Variants in GLI3 observed in about 807,000 individuals in gnomAD.
GLI3 encodes GLI family zinc finger 3, also known as transcription activator GLI3.
GLI3 carries 20 observed loss-of-function variants against 100.8 expected under a neutral mutation model. The ratio of observed to expected loss-of-function variants is 0.20; its 90% CI spans 0.14 to 0.29. The LOEUF is 0.29. GLI3 is among the 10% of genes least tolerant of loss of function. The pLI, the probability that GLI3 is intolerant of heterozygous loss-of-function variation, is 1.00. For synonymous variants in GLI3, 938 were observed against 860.5 expected (o/e 1.09, Z -1.58); for missense variants, 2,040 against 2,128.5 (o/e 0.96, Z 0.82).
intron 1 of GLI3, among the ~76,000 whole-genome samples, chr7:42,255,682 T>C (rs144827413): frequency 0.013 from 1,976 of 152,338 alleles, 24 homozygotes; most frequent in Non-Finnish European, 0.016. Context: ...ATTGTATAGA[T>C]GCCCTACATT....
At chr7:42,201,509 C>G (rs755785686) in intron 2 of GLI3, among the ~76,000 whole-genome samples, 8 of 152,128 alleles carry the variant, frequency 5.3e-5, no homozygotes, top group Non-Finnish European at 7.4e-5. Flanking sequence ...CACACTAGCG[C>G]AAAGAAACCA....
intron 13 of GLI3, among the ~76,000 whole-genome samples, chr7:41,970,054 G>A (rs1051093294): frequency 2.0e-5 from 3 of 151,906 alleles, no homozygotes; most frequent in African/African-American, 7.3e-5. Flanking sequence ...ACTACCAAAA[G>A]TATCACAAAA....
At chr7:42,109,382 T>C (rs1785649914) in intron 3 of GLI3, among the ~76,000 whole-genome samples, 1 of 152,276 alleles carries the variant, frequency 6.6e-6, no homozygotes, top group East Asian at 1.9e-4. Context: ...CCTCAGGAAA[T>C]TTAAGTCCCA....
At chr7:42,058,653 G>T (rs999985960) in intron 4 of GLI3, among the ~76,000 whole-genome samples, 26 of 152,136 alleles carry the variant, frequency 1.7e-4, no homozygotes, top group African/African-American at 6.3e-4. Context: ...ACTTTGGAGG[G>T]GGCAGGGGCT....
chr7:42,075,906 T>C (rs1248972352), intron 4 of GLI3, among the ~76,000 whole-genome samples: 2 of 152,246 alleles, frequency 1.3e-5, no homozygotes, highest in African/African-American at 2.4e-5. Context: ...GCCACGGAGA[T>C]GCAATCTACC....
At chr7:42,106,792 C>A (rs546432798) in intron 3 of GLI3, among the ~76,000 whole-genome samples, 1 of 152,202 alleles carries the variant, frequency 6.6e-6, no homozygotes, top group South Asian at 2.1e-4. Context: ...AGAGAATGCT[C>A]TGGGAATTGT....
At chr7:42,180,445 A>G (rs1787570121) in intron 2 of GLI3, among the ~76,000 whole-genome samples, 2 of 152,230 alleles carry the variant, frequency 1.3e-5, no homozygotes, top group Non-Finnish European at 2.9e-5. Flanking sequence ...GCAGCTGGTG[A>G]GATGAACATG....
rs533261879 is a variant in GLI3 at position 42,142,257 on chromosome 7, A to G, written c.367+5969T>C. Among the ~76,000 whole-genome samples the G allele has an allele frequency of 1.7e-4, 26 of 152,314 alleles. No individual in the cohort carries two copies. In the South Asian group the frequency reaches 5.4e-3, roughly 32 times the overall value. On this transcript the variant is annotated intron_variant, in intron 3 of 14. Coordinates refer to ENST00000395925, the MANE Select transcript of GLI3 (RefSeq NM_000168.6). ...AGTAACTGGTCCAGGAGAAACAACT[A>G]TACAAGCAGGGCAACAAGGGCAGGG...
chr7:42,230,214 A>C (rs898461976), intron 1 of GLI3, among the ~76,000 whole-genome samples: 4 of 151,826 alleles, frequency 2.6e-5, no homozygotes, highest in African/African-American at 9.7e-5. Context: ...ATTTTTCCAT[A>C]ATCAGGAAAG....
chr7:42,015,060 G>T (rs1168156673), intron 10 of GLI3, among the ~76,000 whole-genome samples: 1 of 152,094 alleles, frequency 6.6e-6, no homozygotes, highest in Non-Finnish European at 1.5e-5. Context: ...TCCATTATAG[G>T]ATCTCATTCT....
chr7:42,141,635 G>A lies in GLI3; in HGVS notation c.367+6591C>T, dbSNP rs10281751. Among the ~76,000 whole-genome samples the A allele has an allele frequency of 9.3e-3, 1,418 of 152,204 alleles. 13 individuals carry two copies. Among genetic ancestry groups the A allele is most frequent in the Non-Finnish European group, 0.014 (930 of 68,002 alleles). On this transcript the variant is annotated intron_variant, in intron 3 of 14. Coordinates refer to ENST00000395925, the MANE Select transcript of GLI3 (RefSeq NM_000168.6). ...TGCGGTGAGCCAAGATCGCACCACTGCACTCCAGCCTGGGTGACAAAGCAA... is the reference window on the plus strand; with the variant it reads ...TGCGGTGAGCCAAGATCGCACCACTACACTCCAGCCTGGGTGACAAAGCAA...
chr7:42,057,513 A>G (rs1360814100), intron 4 of GLI3, among the ~76,000 whole-genome samples: 1 of 152,258 alleles, frequency 6.6e-6, no homozygotes, highest in Non-Finnish European at 1.5e-5. Flanking sequence ...TATGTGCCAC[A>G]TGTACTCAAA....
rs1165813966 is a variant in GLI3, at chr7:41,965,892, G to C, written c.3181C>G (p.His1061Asp). Residue 1061 changes from histidine (H) to aspartate (D), a missense_variant, in exon 15 of 15, where the codon CAC becomes GAC. This residue lies in a region of GLI3 where 1,041 missense variants were observed against 924.0 expected (regional missense o/e 1.13). Transcript: ENST00000395925. ...ATGCTGGGAGGACAGGGGGACGAGT[G>C]GAAGTTTCGGGACTGGCCGCCCTCG... ...RPEGGQSRNF[H>D]SSPCPPSITE... 1 of 1,613,566 alleles carries C rather than the reference G, an allele frequency of 6.2e-7. No individual in the cohort carries two copies. Among genetic ancestry groups the C allele is most frequent in the Non-Finnish European group, 8.5e-7 (1 of 1,179,930 alleles).
At chr7:42,016,342 T>C (rs1023189670) in intron 10 of GLI3, among the ~76,000 whole-genome samples, 3 of 152,172 alleles carry the variant, frequency 2.0e-5, no homozygotes, top group Non-Finnish European at 4.4e-5. Flanking sequence ...TGGGGGCCTA[T>C]CGACATCTTT....
intron 1 of GLI3, among the ~76,000 whole-genome samples, chr7:42,229,604 C>T (rs921810124): frequency 2.6e-5 from 4 of 152,198 alleles, no homozygotes; most frequent in Non-Finnish European, 4.4e-5. Context: ...CCCTGTAGCA[C>T]TGAAGAGTGA....
intron 3 of GLI3, among the ~76,000 whole-genome samples, chr7:42,109,624 G>C (rs1018196631): frequency 6.6e-6 from 1 of 152,226 alleles, no homozygotes; most frequent in Non-Finnish European, 1.5e-5. Context: ...ACACGGCAGA[G>C]CAGAAGTGGA....
rs886320788 is a variant in GLI3, at chr7:42,023,491, C to G, written c.1474G>C (p.Asp492His). The change falls in exon 10 of 15, where the codon GAC (aspartate) becomes CAC (histidine). Residue 492 changes from aspartate to histidine, a missense_variant. Physicochemically the swap from Asp to His is moderately conservative, Grantham distance 81 (BLOSUM62 -1). Coordinates refer to ENST00000395925, the MANE Select transcript of GLI3 (RefSeq NM_000168.6). ...CHWEGCAREF[D>H]TQEQLVHHIN... ...ACGTGCACAAGCTGCTCTTGGGTGT[C>G]GAACTCCCTCGCGCAGCCTTCCCAG... The G allele has an allele frequency of 1.2e-6, 2 of 1,614,150 alleles. No individual in the cohort carries two copies. The highest frequency in any genetic ancestry group is 1.7e-6 in the Non-Finnish European group (2 of 1,180,004).
In GLI3 at chr7:41,966,181, G is replaced by T. The variant is rs1037278862; in HGVS notation, c.2892C>A (p.Leu964=). ...KTRLALLGDA[L]EPGVALPPVH... Reference sequence around the variant, plus strand: ...CTGGAGGCAGGGCCACGCCAGGCTCGAGGGCATCCCCGAGCAGCGCCAGGC... The same window carrying T: ...CTGGAGGCAGGGCCACGCCAGGCTCTAGGGCATCCCCGAGCAGCGCCAGGC... The change falls in exon 15 of 15, where the codon CTC becomes CTA. Residue 964 remains leucine (L), a synonymous_variant. Transcript: ENST00000395925. This position sits in a 1 kb window ranked among gnomAD's most constrained non-coding sequence, Gnocchi z 5.8. The T allele has an allele frequency of 1.2e-6, 2 of 1,603,586 alleles. No individual in the cohort carries two copies. Among genetic ancestry groups the T allele is most frequent in the Non-Finnish European group, 1.7e-6 (2 of 1,177,586 alleles).
chr7:42,223,426 C>T, intron 1 of GLI3, 131 bp from the exon 2 acceptor site: 1 of 576,822 alleles, frequency 1.7e-6, no homozygotes, highest in Non-Finnish European at 3.0e-6. Flanking sequence ...GATGACACTT[C>T]TCCACAGGTT....
Sources: gnomAD v4.1 joint callset for allele counts (sites outside exome capture counted in the v4.1 genomes callset) on GRCh38, gnomAD v4.1.1 for gene constraint, gnomAD v4.1.1 regional missense constraint, Gnocchi (gnomAD v3.1) non-coding constraint, MANE v1.5 for transcripts, NCBI Gene and HGNC (gene_info 2026-07-23, HGNC 2026-07-21) for gene names.